MAZ: variants seen among roughly 807,000 people sequenced by gnomAD.
The protein encoded by MAZ is myc-associated zinc finger protein.
MAZ carries 4 observed loss-of-function variants against 32.7 expected under a neutral mutation model. That is an observed-to-expected ratio of 0.12 (90% CI 0.06 to 0.28). The LOEUF is 0.28. Among genes scored for constraint, MAZ ranks in the 10% least tolerant of loss-of-function variants. The pLI, the probability that MAZ is intolerant of heterozygous loss-of-function variation, is 1.00. For missense variants in MAZ, 763 were observed against 667.2 expected (o/e 1.14, Z -1.58); for synonymous variants, 510 against 297.6 (o/e 1.71, Z -7.35).
Position 29,807,288 on chromosome 16 carries a change from C to A in MAZ, c.503C>A (p.Thr168Asn). Residue 168 changes from threonine to asparagine, a missense_variant, in exon 2 of 5, where the codon ACC (threonine) becomes AAC (asparagine). Transcript: ENST00000322945. ...AAAATAVVAPTSTVAVAPVAS... is the reference protein window; with the variant it reads ...AAAATAVVAPNSTVAVAPVAS... ...GCGGCCACCGCCGTCGTAGCCCCAACCTCGACGGTCGCCGTGGCCCCGGTC... is the reference window on the plus strand; with the variant it reads ...GCGGCCACCGCCGTCGTAGCCCCAAACTCGACGGTCGCCGTGGCCCCGGTC... 6.5e-7 allele frequency: 1 copy of A among 1,550,286 alleles called. No individual in the cohort carries two copies. The highest frequency in any genetic ancestry group is 8.7e-7 in the Non-Finnish European group (1 of 1,151,446).
rs1468057813 is a variant in MAZ, at chr16:29,807,292, G to A, written c.507G>A (p.Ser169=). The change falls in exon 2 of 5, where the codon TCG becomes TCA. Residue 169 remains serine, a synonymous_variant. Transcript: ENST00000322945. ...AAATAVVAPT[S]TVAVAPVASA... ...CCACCGCCGTCGTAGCCCCAACCTCGACGGTCGCCGTGGCCCCGGTCGCGT... is the reference window on the plus strand; with the variant it reads ...CCACCGCCGTCGTAGCCCCAACCTCAACGGTCGCCGTGGCCCCGGTCGCGT... 3.2e-6 allele frequency: 5 copies of A among 1,553,362 alleles called. No homozygotes were observed. Among genetic ancestry groups the A allele is most frequent in the Non-Finnish European group, 4.3e-6 (5 of 1,153,208 alleles).
In MAZ at chr16:29,806,898, G is replaced by A; in HGVS notation, c.192+5G>A. ...TGCGCCCAGAGTCCATTCCAGGTGA[G>A]TAGGGCCGGCCGCGGCGGCCCGGGC... On this transcript the variant is annotated splice_donor_5th_base_variant and intron_variant, in intron 1 of 4. Transcript: ENST00000322945. 7.4e-7 allele frequency: 1 copy of A among 1,346,462 alleles called. No homozygotes were observed. The highest frequency in any genetic ancestry group is 9.6e-7 in the Non-Finnish European group (1 of 1,038,006). 83.4% of individuals were successfully genotyped at this position (1,346,462 alleles called of 1,614,324 possible).
rs1292950471 is a variant in MAZ, at chr16:29,807,716, G to C, written c.931G>C (p.Val311Leu). 5 of 1,612,804 alleles carry C rather than the reference G, an allele frequency of 3.1e-6. No individual in the cohort carries two copies. Among genetic ancestry groups the C allele is most frequent in the Admixed American group, 1.7e-5 (1 of 60,014 alleles). The change falls in exon 2 of 5, where the codon GTG becomes CTG. Residue 311 changes from valine to leucine, a missense_variant. By Grantham distance (32) the Val-to-Leu change is conservative. Coordinates refer to ENST00000322945, the MANE Select transcript of MAZ (RefSeq NM_002383.4). ...GGACGAGAAGCCCTACCAGTGCCCG[G>C]TGTGCCAGCAGCGCTTCAAGCGCAA... ...HSDEKPYQCP[V>L]CQQRFKRKDR... is the part of the protein sequence containing the mutation.
Position 29,810,535 on chromosome 16 carries a change from CTG to C in MAZ, c.*306_*307del. On this transcript the variant is annotated 3_prime_UTR_variant, in exon 5 of 5. Transcript: ENST00000322945. ...CCACTGCCCGTACCCCCTCTCCTCT[CTG>C]TAAGCCCATGCCCTGTCTTCCCAGG... is the stretch of plus-strand genomic sequence containing the variant. 3 of 701,302 alleles carry C rather than the reference CTG, an allele frequency of 4.3e-6. No homozygotes were observed. The highest frequency in any genetic ancestry group is 7.8e-6 in the Non-Finnish European group (3 of 384,520). 43.4% of individuals were successfully genotyped at this position (701,302 alleles called of 1,614,324 possible).
chr16:29,809,541 C>T, intron 4 of MAZ: 2 of 1,607,516 alleles, frequency 1.2e-6, no homozygotes, highest in Non-Finnish European at 1.7e-6. Flanking sequence ...CCCCAATAGG[C>T]TTCACCACGG....
At chr16:29,806,156 C>T, upstream of MAZ, 1 of 1,297,620 alleles carries the variant, frequency 7.7e-7, no homozygotes, top group Non-Finnish European at 1.0e-6. Context: ...TGGATCCCAG[C>T]AACTGGAGCA....
rs779989772 is a variant in MAZ at position 29,810,069 on chromosome 16, C to T, written c.1280-8C>T. ...CGCGCTGTGATCCGTGGTGTTTCTC[C>T]TGTGCAGGTACTGGTGAGGTTTGTC... On this transcript the variant is annotated splice_region_variant and splice_polypyrimidine_tract_variant and intron_variant, in intron 4 of 4. Transcript: ENST00000322945. 6 of 1,604,588 alleles carry T rather than the reference C, an allele frequency of 3.7e-6. No individual in the cohort carries two copies. The highest frequency in any genetic ancestry group is 2.7e-5 in the African/African-American group (2 of 74,536).
In MAZ at chr16:29,807,691, G is replaced by A; in HGVS notation, c.906G>A (p.Ser302=). Residue 302 remains serine (S), a synonymous_variant, in exon 2 of 5, where the codon TCG becomes TCA. Transcript: ENST00000322945. ...YHLNRHKLSH[S]DEKPYQCPVC... ...TGAACCGACACAAGCTGTCGCACTC[G>A]GACGAGAAGCCCTACCAGTGCCCGG... 3 of 1,612,962 alleles carry A rather than the reference G, an allele frequency of 1.9e-6. No individual in the cohort carries two copies. The highest frequency in any genetic ancestry group is 2.5e-6 in the Non-Finnish European group (3 of 1,179,976).
chr16:29,808,711 C>T lies in MAZ; in HGVS notation c.1249C>T (p.Pro417Ser), dbSNP rs368313213. The T allele has an allele frequency of 3.1e-6, 5 of 1,613,828 alleles. No individual in the cohort carries two copies. The highest frequency in any genetic ancestry group is 4.5e-5 in the East Asian group (2 of 44,892). The change falls in exon 4 of 5, where the codon CCT (proline) becomes TCT (serine). Residue 417 changes from proline to serine, a missense_variant. Pro to Ser is a moderately conservative substitution (Grantham distance 74, BLOSUM62 -1). Transcript: ENST00000322945. Reference protein sequence around the residue: ...SDHMKVHSQGPHHVCELCNKG... With the variant: ...SDHMKVHSQGSHHVCELCNKG... Reference sequence around the variant, plus strand: ...CCACATGAAGGTGCACAGCCAGGGTCCTCACCATGTCTGTGAGCTCTGCAA... The same window carrying T: ...CCACATGAAGGTGCACAGCCAGGGTTCTCACCATGTCTGTGAGCTCTGCAA...
At position 29,807,224 on chromosome 16, in the gene MAZ, G is replaced by A; in HGVS notation, c.439G>A (p.Ala147Thr). 2 of 1,303,678 alleles carry A rather than the reference G, an allele frequency of 1.5e-6. No homozygotes were observed. Among genetic ancestry groups the A allele is most frequent in the Middle Eastern group, 2.7e-4 (1 of 3,754 alleles). The allele number at this position is 1,303,678 out of a possible 1,614,324, so 80.8% of individuals were successfully genotyped here. A position where few individuals can be genotyped will look rare whatever the true frequency, so the allele number is the denominator to read the frequency against. Residue 147 changes from alanine (A) to threonine (T), a missense_variant, in exon 2 of 5, where the codon GCC becomes ACC. Transcript: ENST00000322945. ...GCCAGTGTCGGCGCCCGCGGCCGAG[G>A]CCGCGCCCCCCGCCTCCGCCGCCAC... is the stretch of plus-strand genomic sequence containing the variant. The part of the protein sequence containing the change: ...PPPVSAPAAE[A>T]APPASAATIA...
At chr16:29,809,202 A>C in intron 4 of MAZ, 1 of 499,822 alleles carries the variant, frequency 2.0e-6, no homozygotes, top group Non-Finnish European at 3.5e-6. Flanking sequence ...ACCGCGGGGC[A>C]CTGGAGGGAA....
Position 29,808,934 on chromosome 16 carries a change from G to A in MAZ, c.1279+193G>A, listed in dbSNP as rs1242933047. 6.7e-6 allele frequency: 4 copies of A among 597,686 alleles called. No homozygotes were observed. The East Asian group carries it at 8.7e-5, about 13-fold the overall frequency. 37.0% of individuals were successfully genotyped at this position (597,686 alleles called of 1,614,324 possible). A position where few individuals can be genotyped will look rare whatever the true frequency, so the allele number is the denominator to read the frequency against. On this transcript the variant is annotated intron_variant, in intron 4 of 4. Coordinates refer to ENST00000322945, the MANE Select transcript of MAZ (RefSeq NM_002383.4). ...ACTCTAAGAAGTCCTGGTTGGAAGA[G>A]ATGATCTGCCAGAGAGGTTGAACCT... is the stretch of plus-strand genomic sequence containing the variant.
At position 29,810,780 on chromosome 16, in the gene MAZ, C is replaced by T. The variant is rs554657364; in HGVS notation, c.*549C>T. 5 of 361,230 alleles carry T rather than the reference C, an allele frequency of 1.4e-5. No individual in the cohort carries two copies. The highest frequency in any genetic ancestry group is 2.1e-5 in the African/African-American group (1 of 46,882). The allele number at this position is 361,230 out of a possible 1,614,324, so 22.4% of individuals were successfully genotyped here. A position where few individuals can be genotyped will look rare whatever the true frequency, so the allele number is the denominator to read the frequency against. The stretch of plus-strand genomic sequence containing the variant: ...GAAGCAGGGCCGGCAAAGGTTGTAC[C>T]TTCATAAGGTGGTATGGGGGGTTGG... On this transcript the variant is annotated 3_prime_UTR_variant, in exon 5 of 5. Transcript: ENST00000322945.
intron 4 of MAZ, chr16:29,809,853 G>T: frequency 1.0e-6 from 1 of 970,522 alleles, no homozygotes; most frequent in East Asian, 2.6e-5. Flanking sequence ...TCAGGAAGGC[G>T]AGGGATGCCC....
Position 29,806,974 on chromosome 16 carries a change from G to T in MAZ, c.193-4G>T. 1 of 1,034,918 alleles carries T rather than the reference G, an allele frequency of 9.7e-7. No individual in the cohort carries two copies. The highest frequency in any genetic ancestry group is 1.2e-6 in the Non-Finnish European group (1 of 865,960). The allele number at this position is 1,034,918 out of a possible 1,614,324, so 64.1% of individuals were successfully genotyped here. ...GCGGCCCACTCGGCGCCTTGTCTCC[G>T]CAGGCCGCGCCGGCGCCCCCGCCCA... On this transcript the variant is annotated splice_polypyrimidine_tract_variant and splice_region_variant and intron_variant, in intron 1 of 4. Transcript: ENST00000322945.
In MAZ at chr16:29,807,837, G is replaced by A. The variant is rs1436392170; in HGVS notation, c.1043+9G>A. 3 of 1,600,378 alleles carry A rather than the reference G, an allele frequency of 1.9e-6. No homozygotes were observed. The highest frequency in any genetic ancestry group is 2.2e-5 in the South Asian group (2 of 91,026). ...GGCAAGAGCTTCTCCCGGTGTGCACGGGGCCTCGGCCGCCCGCTAGGCCGT... is the reference window on the plus strand; with the variant it reads ...GGCAAGAGCTTCTCCCGGTGTGCACAGGGCCTCGGCCGCCCGCTAGGCCGT... On this transcript the variant is annotated intron_variant, in intron 2 of 4. Transcript: ENST00000322945.
At chr16:29,809,602 C>A (rs765655408) in intron 4 of MAZ, 1 of 1,612,194 alleles carries the variant, frequency 6.2e-7, no homozygotes, top group Admixed American at 1.7e-5. Context: ...CCAGGCCCCG[C>A]GGGCTGACCG....
In MAZ at chr16:29,806,889, T is replaced by C; in HGVS notation, c.188T>C (p.Phe63Ser). 1 of 1,355,160 alleles carries C rather than the reference T, an allele frequency of 7.4e-7. No homozygotes were observed. Among genetic ancestry groups the C allele is most frequent in the Non-Finnish European group, 9.6e-7 (1 of 1,040,138 alleles). 83.9% of individuals were successfully genotyped at this position (1,355,160 alleles called of 1,614,324 possible). Residue 63 changes from phenylalanine to serine, a missense_variant, in exon 1 of 5, where the codon TTC (phenylalanine) becomes TCC (serine). By Grantham distance (155) the Phe-to-Ser change is radical. Coordinates refer to ENST00000322945, the MANE Select transcript of MAZ (RefSeq NM_002383.4). ...FASQGCAQSP[F>S]QAAPAPPPTP... is the part of the protein sequence containing the mutation. ...TCCCAGGGCTGCGCCCAGAGTCCAT[T>C]CCAGGTGAGTAGGGCCGGCCGCGGC...
At position 29,811,055 on chromosome 16, in the gene MAZ, G is replaced by A. The variant is rs569174270; in HGVS notation, c.*824G>A. 2.2e-6 allele frequency: 1 copy of A among 455,232 alleles called. No individual in the cohort carries two copies. The highest frequency in any genetic ancestry group is 1.6e-5 in the South Asian group (1 of 64,316). The allele number at this position is 455,232 out of a possible 1,614,324, so 28.2% of individuals were successfully genotyped here. ...ATCCCTCTTCCCCACGACAGAAGAAGTTGTGGCCCTGGCCATGTCATCGTG... is the reference window on the plus strand; with the variant it reads ...ATCCCTCTTCCCCACGACAGAAGAAATTGTGGCCCTGGCCATGTCATCGTG... On this transcript the variant is annotated 3_prime_UTR_variant, in exon 5 of 5. Transcript: ENST00000322945.
Sources: gnomAD v4.1 joint callset for allele counts on GRCh38, gnomAD v4.1.1 for gene constraint, MANE v1.5 for transcripts, NCBI Gene and HGNC (gene_info 2026-07-23, HGNC 2026-07-21) for gene names.